The following CATSPERT variants were observed in gnomAD, a reference collection of about 807,000 sequenced individuals.
CATSPERT encodes the protein cation channel sperm-associated targeting subunit tau.
At chr2:201,574,283 C>T in the CATSPERT span, 5 of 1,595,976 alleles carry the variant, frequency 3.1e-6, no homozygotes, top group South Asian at 5.7e-5. Flanking sequence ...ACAAACTAAA[C>T]ATGTGATAAA....
chr2:201,574,233 G>A, the CATSPERT span: 3 of 1,603,654 alleles, frequency 1.9e-6, no homozygotes, highest in African/African-American at 2.7e-5. Context: ...CATAACCAAA[G>A]TTTCCATAGG....
chr2:201,490,577 T>C, the CATSPERT span, among the ~76,000 whole-genome samples: 1 of 152,184 alleles, frequency 6.6e-6, no homozygotes, highest in African/African-American at 2.4e-5. Context: ...AGAGGGCACC[T>C]TTTTCTAATT....
the CATSPERT span, chr2:201,535,543 G>T: frequency 1.0e-6 from 1 of 964,678 alleles, no homozygotes; most frequent in Non-Finnish European, 1.2e-6. Context: ...AACTCCTCAG[G>T]CTTTTAAATT....
the CATSPERT span, among the ~76,000 whole-genome samples, chr2:201,544,480 T>C: frequency 6.6e-6 from 1 of 152,126 alleles, no homozygotes; most frequent in African/African-American, 2.4e-5. Flanking sequence ...TACTTTATGA[T>C]AAATTCTCAA....
the CATSPERT span, among the ~76,000 whole-genome samples, chr2:201,501,121 G>A: frequency 2.0e-5 from 3 of 151,870 alleles, no homozygotes; most frequent in South Asian, 2.1e-4. Flanking sequence ...ATCTCAGGCC[G>A]GGCATGGTGG....
chr2:201,490,849 G>A, the CATSPERT span, among the ~76,000 whole-genome samples: 10,354 of 151,982 alleles, frequency 0.068, 468 homozygotes, highest in African/African-American at 0.12. Flanking sequence ...TCAGCCTCCC[G>A]AGTAGCTGGG....
chr2:201,600,609 ACTACT>A, the CATSPERT span, among the ~76,000 whole-genome samples: 30 of 152,320 alleles, frequency 2.0e-4, no homozygotes, highest in African/African-American at 7.2e-4. Flanking sequence ...AACTGTCTTC[ACTACT>A]CAACACTTAA....
At chr2:201,579,536 A>C in the CATSPERT span, among the ~76,000 whole-genome samples, 1 of 152,108 alleles carries the variant, frequency 6.6e-6, no homozygotes, top group African/African-American at 2.4e-5. Context: ...CACCTCCCTC[A>C]GCCTCCCAAA....
the CATSPERT span, among the ~76,000 whole-genome samples, chr2:201,594,624 C>T: frequency 8.5e-5 from 13 of 152,174 alleles, no homozygotes; most frequent in South Asian, 2.3e-3. Flanking sequence ...ACCAATCAGA[C>T]GTAGATTTGG....
the CATSPERT span, chr2:201,537,442 T>C: frequency 1.9e-6 from 3 of 1,591,338 alleles, no homozygotes; most frequent in Non-Finnish European, 2.6e-6. Flanking sequence ...TTACCTCATT[T>C]GCAGTAGTTT....
chr2:201,581,946 A>G, the CATSPERT span: 1 of 965,508 alleles, frequency 1.0e-6, no homozygotes, highest in African/African-American at 1.7e-5. Flanking sequence ...TAAAAAATAT[A>G]TAGCCAAAAG....
the CATSPERT span, chr2:201,493,087 GAATGATTATATTTGAAAA>G: frequency 6.5e-7 from 1 of 1,531,666 alleles, no homozygotes; most frequent in Middle Eastern, 1.7e-4. Flanking sequence ...TCTTCTTTCA[GAATGATTATATTTGAAAA>G]AAACATTGAA....
At chr2:201,612,357 T>C in the CATSPERT span, among the ~76,000 whole-genome samples, 1 of 152,040 alleles carries the variant, frequency 6.6e-6, no homozygotes, top group Non-Finnish European at 1.5e-5. Flanking sequence ...GTGGATCACC[T>C]GAGGTCAGGA....
chr2:201,513,543 T>C, the CATSPERT span, among the ~76,000 whole-genome samples: 4 of 152,246 alleles, frequency 2.6e-5, no homozygotes, highest in South Asian at 6.2e-4. Flanking sequence ...GAACTGAAAA[T>C]AGAACTACAA....
chr2:201,563,468 G>GCC, the CATSPERT span, among the ~76,000 whole-genome samples: 1 of 2,038 alleles, frequency 4.9e-4, no homozygotes, highest in Non-Finnish European at 1.2e-3. Context: ...GCGGGGGGCT[G>GCC]ACCCCCCACC....
chr2:201,500,834 T>G, the CATSPERT span, among the ~76,000 whole-genome samples: 83 of 152,284 alleles, frequency 5.5e-4, 1 homozygote, highest in African/African-American at 1.9e-3. Flanking sequence ...ACATGATTCT[T>G]AACTGAAAAA....
chr2:201,554,890 A>T, the CATSPERT span: 1 of 151,988 alleles, frequency 6.6e-6, no homozygotes, highest in African/African-American at 2.4e-5. Flanking sequence ...TTTATCCAAA[A>T]CTCCACATAC....
chr2:201,593,905 A>C, the CATSPERT span, among the ~76,000 whole-genome samples: 1 of 151,936 alleles, frequency 6.6e-6, no homozygotes, highest in Non-Finnish European at 1.5e-5. Context: ...TGAATACAGC[A>C]CACTGATGGG....
chr2:201,530,961 G>GTTTGTTT, the CATSPERT span, among the ~76,000 whole-genome samples: 2 of 106,042 alleles, frequency 1.9e-5, no homozygotes, highest in African/African-American at 3.2e-5. Flanking sequence ...TTTTTTGTGG[G>GTTTGTTT]TTTTTTTTTT....
Sources: gnomAD v4.1 joint callset for allele counts (sites outside exome capture counted in the v4.1 genomes callset) on GRCh38, gnomAD v4.1.1 for gene constraint, MANE v1.5 for transcripts, NCBI Gene and HGNC (gene_info 2026-07-23, HGNC 2026-07-21) for gene names.